The following NEBL variants were observed in gnomAD, a reference collection of about 807,000 sequenced individuals.
NEBL encodes LIM and SH3 protein 2.
NEBL carries 122 observed loss-of-function variants against 140.2 expected under a neutral mutation model. That is an observed-to-expected ratio of 0.87 (90% CI 0.75 to 1.01). NEBL has a LOEUF of 1.01. Among genes scored for constraint, NEBL ranks in the 50% least tolerant of loss-of-function variants. NEBL has a pLI of 0.00. For missense variants in NEBL, 1,365 were observed against 1,231.3 expected, an observed-to-expected ratio of 1.11 and a Z score of -1.62; for synonymous variants, 436 against 398.9, an observed-to-expected ratio of 1.09 and a Z score of -1.11.
At chr10:21,074,005 G>A (rs1237663520) in intron 2 of NEBL, among the ~76,000 whole-genome samples, 1 of 152,062 alleles carries the variant, frequency 6.6e-6, no homozygotes. Context: ...AATCCGGGAG[G>A]TGGAGGTTGC....
intron 2 of NEBL, chr10:21,126,083 G>T (rs1410272885): frequency 1.2e-6 from 2 of 1,613,906 alleles, no homozygotes; most frequent in East Asian, 2.2e-5. Context: ...TTCCTGGGAG[G>T]CCTCAGGCCC....
chr10:21,193,810 G>T lies in NEBL; in HGVS notation n.349-21333C>A, dbSNP rs189856074. Among the ~76,000 whole-genome samples, 739 of 152,220 alleles carry T rather than the reference G, an allele frequency of 4.9e-3. 7 individuals are homozygous for T. The highest frequency in any genetic ancestry group is 0.016 in the African/African-American group (659 of 41,542). On this transcript the variant is annotated intron_variant and non_coding_transcript_variant, in intron 3 of 8. Coordinates refer to the NEBL transcript ENST00000675702. ...ACTTACAGTGTAGCCATGTTTATTT[G>T]TTGTTGTGGAGATTTCTTCAGCACA...
intron 3 of NEBL, among the ~76,000 whole-genome samples, chr10:21,230,451 C>T (rs1842231342): frequency 6.6e-6 from 1 of 152,104 alleles, no homozygotes; most frequent in African/African-American, 2.4e-5. Flanking sequence ...GAGAATTCAA[C>T]ATGATTTATT....
intron 20 of NEBL, chr10:20,819,125 G>A: frequency 1.1e-6 from 1 of 941,736 alleles, no homozygotes; most frequent in Non-Finnish European, 1.4e-6. Flanking sequence ...AGGTGAACTT[G>A]TGTTATGGGA....
At chr10:20,967,070 T>C (rs1024578243) in intron 3 of NEBL, among the ~76,000 whole-genome samples, 13 of 151,848 alleles carry the variant, frequency 8.6e-5, no homozygotes, top group African/African-American at 3.1e-4. Context: ...AATTCAAGGA[T>C]GGGCACATCC....
Position 20,986,833 on chromosome 10 carries a change from T to C in NEBL, c.250-25054A>G, listed in dbSNP as rs151197850. 2.4e-4 allele frequency among the ~76,000 whole-genome samples: 36 copies of C among 152,328 alleles called. No homozygotes were observed. The East Asian group carries it at 4.1e-3, about 17-fold the overall frequency. On this transcript the variant is annotated intron_variant, in intron 3 of 6. Coordinates refer to the NEBL transcript ENST00000417816. ...AATAGAAAAACATACTCTCTCCAAATAGCATCAGAATAATAAATCCAAGCA... is the reference window on the plus strand; with the variant it reads ...AATAGAAAAACATACTCTCTCCAAACAGCATCAGAATAATAAATCCAAGCA...
intron 13 of NEBL, among the ~76,000 whole-genome samples, chr10:20,839,881 G>C (rs1380823379): frequency 2.6e-5 from 4 of 152,006 alleles, no homozygotes; most frequent in African/African-American, 9.7e-5. Context: ...TTTATTAAGT[G>C]GGTTCATTGC....
intron 16 of NEBL, among the ~76,000 whole-genome samples, chr10:20,829,352 T>C (rs576434902): frequency 9.4e-4 from 139 of 148,582 alleles, no homozygotes; most frequent in Middle Eastern, 3.4e-3. Context: ...AACCAAACAC[T>C]GCATATTCTC....
intron 3 of NEBL, among the ~76,000 whole-genome samples, chr10:21,208,216 G>A (rs540061844): frequency 2.3e-4 from 35 of 152,326 alleles, no homozygotes; most frequent in African/African-American, 5.1e-4. Flanking sequence ...CATAGAAATT[G>A]CATTCTTTGA....
chr10:21,030,664 A>T (rs1833740798), intron 2 of NEBL: 1 of 507,312 alleles, frequency 2.0e-6, no homozygotes, highest in Non-Finnish European at 3.9e-6. Flanking sequence ...AGGTGTGGTG[A>T]ATGTCCCAAA....
intron 2 of NEBL, among the ~76,000 whole-genome samples, chr10:21,157,265 A>G (rs1194079400): frequency 6.6e-6 from 1 of 152,084 alleles, no homozygotes; most frequent in Non-Finnish European, 1.5e-5. Context: ...TGTCATTGAT[A>G]TACAAAAAAT....
chr10:21,173,774 G>A lies in NEBL; in HGVS notation c.60C>T (p.Cys20=), dbSNP rs776132005. ...GCGCCCCCTCGCTCACCTTATCCAG[G>A]CAGTTGACTTTCTCGGTGGGATACA... Residue 20 remains cysteine, a synonymous_variant, in exon 1 of 7, where the codon TGC becomes TGT. Coordinates refer to the NEBL transcript ENST00000417816. This position sits in a 1 kb window ranked among gnomAD's most constrained non-coding sequence, Gnocchi z 5.7. The A allele has an allele frequency of 6.2e-6, 10 of 1,612,916 alleles. No homozygotes were observed. In the African/African-American group the frequency reaches 1.2e-4, roughly 19 times the overall value.
chr10:20,865,467 G>A (rs1292495251), intron 7 of NEBL, among the ~76,000 whole-genome samples: 1 of 152,086 alleles, frequency 6.6e-6, no homozygotes, highest in Admixed American at 6.6e-5. Flanking sequence ...GTTTAACCCA[G>A]GTACAGCCCA....
chr10:21,103,920 C>T (rs1332189324), intron 2 of NEBL, among the ~76,000 whole-genome samples: 1 of 152,158 alleles, frequency 6.6e-6, no homozygotes, highest in Non-Finnish European at 1.5e-5. Context: ...ATTGCCTGAA[C>T]TCTTACATTT....
At chr10:21,215,539 C>G (rs865793692) in intron 3 of NEBL, among the ~76,000 whole-genome samples, 2 of 152,128 alleles carry the variant, frequency 1.3e-5, no homozygotes, top group African/African-American at 4.8e-5. Flanking sequence ...AATAACATAT[C>G]TTTTAAAACT....
Position 20,809,875 on chromosome 10 carries a change from G to A in NEBL, c.2542C>T (p.Pro848Ser). 6.3e-7 allele frequency: 1 copy of A among 1,599,422 alleles called. No individual in the cohort carries two copies. The highest frequency in any genetic ancestry group is 8.5e-7 in the Non-Finnish European group (1 of 1,172,478). Reference sequence around the variant, plus strand: ...GGATCAAGGTCGAAGATGGAGCCAGGATCTGTGCGCCAAACTTTGAGGTCT... The same window carrying A: ...GGATCAAGGTCGAAGATGGAGCCAGAATCTGTGCGCCAAACTTTGAGGTCT... ...IVDLKVWRTDPGSIFDLDPLE... is the reference protein window; with the variant it reads ...IVDLKVWRTDSGSIFDLDPLE... The change falls in exon 25 of 28, where the codon CCT becomes TCT. Residue 848 changes from proline to serine, a missense_variant. Physicochemically the swap from Pro to Ser is moderately conservative, Grantham distance 74. Coordinates refer to ENST00000377122, the MANE Select transcript of NEBL (RefSeq NM_006393.3).
intron 2 of NEBL, among the ~76,000 whole-genome samples, chr10:21,161,795 C>A (rs1369726104): frequency 6.6e-6 from 1 of 152,138 alleles, no homozygotes; most frequent in African/African-American, 2.4e-5. Context: ...CAGTGTGAAG[C>A]ATGCCTGTTG....
chr10:21,277,103 TGAGTCACAGAAGAA>T (rs1357251726), intron 1 of NEBL, among the ~76,000 whole-genome samples: 1 of 151,808 alleles, frequency 6.6e-6, no homozygotes, highest in Non-Finnish European at 1.5e-5. Context: ...TACTCCAGCC[TGAGTCACAGAAGAA>T]GACCCTGTCT....
At chr10:20,818,216 C>T (rs1272104259) in intron 20 of NEBL, among the ~76,000 whole-genome samples, 1 of 142,460 alleles carries the variant, frequency 7.0e-6, no homozygotes, top group Non-Finnish European at 1.5e-5. Context: ...TTCAAAGGTA[C>T]TTGTTTTGGA....
Sources: gnomAD v4.1 joint callset for allele counts (sites outside exome capture counted in the v4.1 genomes callset) on GRCh38, gnomAD v4.1.1 for gene constraint, Gnocchi (gnomAD v3.1) non-coding constraint, MANE v1.5 for transcripts, NCBI Gene and HGNC (gene_info 2026-07-23, HGNC 2026-07-21) for gene names.